Variants in ATF4 observed in about 807,000 individuals in gnomAD.
ATF4 encodes the protein cyclic AMP-dependent transcription factor ATF-4.
A neutral mutation model predicts 21.0 loss-of-function variants in ATF4; 8 were observed. That is an observed-to-expected ratio of 0.38 (90% CI 0.22 to 0.69). The LOEUF is 0.69. Among genes scored for constraint, ATF4 ranks in the 30% least tolerant of loss-of-function variants. ATF4 has a pLI of 0.49. For synonymous variants in ATF4, 241 were observed against 166.4 expected, an observed-to-expected ratio of 1.45 and a Z score of -3.45; for missense variants, 549 against 425.9, an observed-to-expected ratio of 1.29 and a Z score of -2.54.
In ATF4 at chr22:39,521,572, C is replaced by T. The variant is rs1354963846; in HGVS notation, c.127C>T (p.His43Tyr). The change falls in exon 2 of 3, where the codon CAC (histidine) becomes TAC (tyrosine). Residue 43 changes from histidine (H) to tyrosine (Y), a missense_variant. Physicochemically the swap from His to Tyr is moderately conservative, Grantham distance 83 (BLOSUM62 2). Coordinates refer to ENST00000674920, the MANE Select transcript of ATF4 (RefSeq NM_182810.3). ...LLDDYLEVAK[H>Y]FKPHGFSSDK... ...AGATGATTACCTGGAGGTGGCCAAG[C>T]ACTTCAAACCTCATGGGTTCTCCAG... 3 of 1,613,702 alleles carry T rather than the reference C, an allele frequency of 1.9e-6. No homozygotes were observed. In the African/African-American group the frequency reaches 4.0e-5, roughly 22 times the overall value.
At position 39,521,860 on chromosome 22, in the gene ATF4, T is replaced by C; in HGVS notation, c.314T>C (p.Leu105Pro). 1 of 1,614,222 alleles carries C rather than the reference T, an allele frequency of 6.2e-7. No individual in the cohort carries two copies. The highest frequency in any genetic ancestry group is 8.5e-7 in the Non-Finnish European group (1 of 1,180,040). The change falls in exon 3 of 3, where the codon CTG (leucine) becomes CCG (proline). Residue 105 changes from leucine to proline, a missense_variant. Transcript: ENST00000674920. Reference sequence around the variant, plus strand: ...GATGCCCTGTTGGGTATAGATGACCTGGAAACCATGCCAGATGACCTTCTG... The same window carrying C: ...GATGCCCTGTTGGGTATAGATGACCCGGAAACCATGCCAGATGACCTTCTG... Reference protein sequence around the residue: ...DLDALLGIDDLETMPDDLLTT... With the variant: ...DLDALLGIDDPETMPDDLLTT...
chr22:39,521,131 G>A lies in ATF4; in HGVS notation c.-92-223G>A, dbSNP rs80142785. The A allele has an allele frequency of 0.02, 3,919 of 191,396 alleles. 156 individuals are homozygous for A. The highest frequency in any genetic ancestry group is 0.085 in the African/African-American group (3,621 of 42,680). The allele number at this position is 191,396 out of a possible 1,614,324, so 11.9% of individuals were successfully genotyped here. On this transcript the variant is annotated intron_variant, in intron 1 of 2. Coordinates refer to ENST00000674920, the MANE Select transcript of ATF4 (RefSeq NM_182810.3). ...GCCGCCCTGGCCGTATTTGGACGTG[G>A]GGACGGAGCGCTTTCCTCTTGGCGG...
intron 2 of ATF4, 32 bp from the exon 3 acceptor site, chr22:39,521,741 T>G: frequency 6.2e-7 from 1 of 1,610,806 alleles, no homozygotes; most frequent in Non-Finnish European, 8.5e-7. Flanking sequence ...TGTATCTGAC[T>G]CACTTGGCCC....
chr22:39,521,885 G>C lies in ATF4; in HGVS notation c.339G>C (p.Leu113=), dbSNP rs1357238576. The change falls in exon 3 of 3, where the codon CTG becomes CTC. Residue 113 remains leucine, a synonymous_variant. Coordinates refer to ENST00000674920, the MANE Select transcript of ATF4 (RefSeq NM_182810.3). ...DDLETMPDDL[L]TTLDDTCDLF... is the part of the protein sequence containing the mutation. ...TGGAAACCATGCCAGATGACCTTCTGACCACGTTGGATGACACTTGTGATC... is the reference window on the plus strand; with the variant it reads ...TGGAAACCATGCCAGATGACCTTCTCACCACGTTGGATGACACTTGTGATC... 1.2e-6 allele frequency: 2 copies of C among 1,614,030 alleles called. No homozygotes were observed. Among genetic ancestry groups the C allele is most frequent in the Admixed American group, 1.7e-5 (1 of 60,002 alleles).
Position 39,521,686 on chromosome 22 carries a change from A to T in ATF4, c.226+15A>T. 2 of 1,612,266 alleles carry T rather than the reference A, an allele frequency of 1.2e-6. No homozygotes were observed. Among genetic ancestry groups the T allele is most frequent in the Non-Finnish European group, 1.7e-6 (2 of 1,178,726 alleles). Reference sequence around the variant, plus strand: ...CAACAGCAAGGGTGAGTGGGCCACCACCACATCGTCCTGGTGGGATCTAGG... The same window carrying T: ...CAACAGCAAGGGTGAGTGGGCCACCTCCACATCGTCCTGGTGGGATCTAGG... On this transcript the variant is annotated intron_variant, in intron 2 of 2. Transcript: ENST00000674920.
At chr22:39,521,182 G>T (rs193166285) in intron 1 of ATF4, 172 bp from the exon 2 acceptor site, 57 of 269,796 alleles carry the variant, frequency 2.1e-4, no homozygotes, top group African/African-American at 1.1e-3. Context: ...CCTGGTCTCC[G>T]TGAGCGTCCA....
chr22:39,520,561 C>T (rs1490964105), upstream of ATF4: 1 of 152,628 alleles, frequency 6.6e-6, no homozygotes, highest in African/African-American at 2.4e-5. Flanking sequence ...GCCACGGCAG[C>T]CATTTCTACT....
Position 39,521,612 on chromosome 22 carries a change from C to A in ATF4, c.167C>A (p.Ala56Glu). ...PHGFSSDKAK[A>E]GSSEWLAVDG... ...GGGTTCTCCAGCGACAAGGCTAAGG[C>A]GGGCTCCTCCGAATGGCTGGCTGTG... Residue 56 changes from alanine (A) to glutamate (E), a missense_variant, in exon 2 of 3, where the codon GCG becomes GAG. Physicochemically the swap from Ala to Glu is moderately radical, Grantham distance 107 (BLOSUM62 -1). Transcript: ENST00000674920. The A allele has an allele frequency of 6.2e-7, 1 of 1,614,140 alleles. No individual in the cohort carries two copies. The highest frequency in any genetic ancestry group is 8.5e-7 in the Non-Finnish European group (1 of 1,180,018).
intron 1 of ATF4, 62 bp from the exon 2 acceptor site, chr22:39,521,292 G>A (rs1342268568): frequency 1.4e-5 from 9 of 621,604 alleles, no homozygotes; most frequent in Non-Finnish European, 2.5e-5. Context: ...CTCATAAGTG[G>A]AAGGATGAAA....
rs1407582576 is a variant in ATF4 at position 39,521,806 on chromosome 22, A to G, written c.260A>G (p.Glu87Gly). 1.2e-5 allele frequency: 19 copies of G among 1,613,942 alleles called. No homozygotes were observed. The highest frequency in any genetic ancestry group is 1.6e-5 in the Non-Finnish European group (19 of 1,179,932). ...DAFSGTDWML[E>G]KMDLKEFDLD... ...TTCTCCGGGACAGATTGGATGTTGG[A>G]GAAAATGGATTTGAAGGAGTTCGAC... The change falls in exon 3 of 3, where the codon GAG becomes GGG. Residue 87 changes from glutamate to glycine, a missense_variant. By Grantham distance (98) the Glu-to-Gly change is moderately conservative. Coordinates refer to ENST00000674920, the MANE Select transcript of ATF4 (RefSeq NM_182810.3).
In ATF4 at chr22:39,521,384, T is replaced by C; in HGVS notation, c.-62T>C. ...TCACGGCATTCAGCAGCAGCGTTGC[T>C]GTAACCGACAAAGACACCTTCGAAT... is the stretch of plus-strand genomic sequence containing the variant. On this transcript the variant is annotated 5_prime_UTR_variant, in exon 2 of 3. Coordinates refer to ENST00000674920, the MANE Select transcript of ATF4 (RefSeq NM_182810.3). 7.1e-7 allele frequency: 1 copy of C among 1,408,320 alleles called. No homozygotes were observed. The highest frequency in any genetic ancestry group is 9.6e-7 in the Non-Finnish European group (1 of 1,037,292). 87.2% of individuals were successfully genotyped at this position (1,408,320 alleles called of 1,614,324 possible). A position where few individuals can be genotyped will look rare whatever the true frequency, so the allele number is the denominator to read the frequency against.
At position 39,522,036 on chromosome 22, in the gene ATF4, C is replaced by T. The variant is rs757892971; in HGVS notation, c.490C>T (p.Pro164Ser). ...VAPFTFLQPLPLSPGVLSSTP... is the reference protein window; with the variant it reads ...VAPFTFLQPLSLSPGVLSSTP... ...CCCCTTCACCTTCTTACAACCTCTT[C>T]CCCTTTCCCCAGGGGTCCTGTCCTC... The change falls in exon 3 of 3, where the codon CCC becomes TCC. Residue 164 changes from proline (P) to serine (S), a missense_variant. Transcript: ENST00000674920. 1.2e-6 allele frequency: 2 copies of T among 1,613,800 alleles called. No individual in the cohort carries two copies. Among genetic ancestry groups the T allele is most frequent in the East Asian group, 4.5e-5 (2 of 44,882 alleles).
In ATF4 at chr22:39,521,614, G is replaced by A; in HGVS notation, c.169G>A (p.Gly57Ser). ...GTTCTCCAGCGACAAGGCTAAGGCG[G>A]GCTCCTCCGAATGGCTGGCTGTGGA... The part of the protein sequence containing the change: ...HGFSSDKAKA[G>S]SSEWLAVDGL... Residue 57 changes from glycine to serine, a missense_variant, in exon 2 of 3, where the codon GGC becomes AGC. Transcript: ENST00000674920. 1 of 1,614,158 alleles carries A rather than the reference G, an allele frequency of 6.2e-7. No homozygotes were observed. Among genetic ancestry groups the A allele is most frequent in the Non-Finnish European group, 8.5e-7 (1 of 1,180,028 alleles).
rs755663587 is a variant in ATF4, at chr22:39,521,555, A to G, written c.110A>G (p.Tyr37Cys). 2 of 1,613,438 alleles carry G rather than the reference A, an allele frequency of 1.2e-6. No homozygotes were observed. Among genetic ancestry groups the G allele is most frequent in the South Asian group, 2.2e-5 (2 of 91,044 alleles). The change falls in exon 2 of 3, where the codon TAC becomes TGC. Residue 37 changes from tyrosine to cysteine, a missense_variant. By Grantham distance (194) the Tyr-to-Cys change is radical (BLOSUM62 -2). Transcript: ENST00000674920. ...GAAAGCCTAGGTCTCTTAGATGATT[A>G]CCTGGAGGTGGCCAAGCACTTCAAA... ...AEESLGLLDD[Y>C]LEVAKHFKPH...
In ATF4 at chr22:39,522,209, C is replaced by T. The variant is rs1931000141; in HGVS notation, c.663C>T (p.Ile221=). ...CCCCTTCAGATAATGATAGTGGCAT[C>T]TGTATGAGCCCAGAGTCCTATCTGG... ...EDTPSDNDSG[I]CMSPESYLGS... is the part of the protein sequence containing the mutation. The change falls in exon 3 of 3, where the codon ATC becomes ATT. Residue 221 remains isoleucine (I), a synonymous_variant. Coordinates refer to ENST00000674920, the MANE Select transcript of ATF4 (RefSeq NM_182810.3). 2 of 1,610,584 alleles carry T rather than the reference C, an allele frequency of 1.2e-6. No individual in the cohort carries two copies. Among genetic ancestry groups the T allele is most frequent in the Non-Finnish European group, 1.7e-6 (2 of 1,177,796 alleles).
chr22:39,521,957 G>A lies in ATF4; in HGVS notation c.411G>A (p.Thr137=), dbSNP rs1601761815. 6.2e-7 allele frequency: 1 copy of A among 1,612,782 alleles called. No individual in the cohort carries two copies. The highest frequency in any genetic ancestry group is 8.5e-7 in the Non-Finnish European group (1 of 1,179,686). Residue 137 remains threonine, a synonymous_variant, in exon 3 of 3, where the codon ACG becomes ACA. Coordinates refer to ENST00000674920, the MANE Select transcript of ATF4 (RefSeq NM_182810.3). ...AGACTAATAAGCAGCCCCCCCAGAC[G>A]GTGAACCCAATTGGCCATCTCCCAG... ...VQETNKQPPQ[T]VNPIGHLPES...
Position 39,522,670 on chromosome 22 carries a change from A to G in ATF4, c.*68A>G, listed in dbSNP as rs568102933. 2.2e-6 allele frequency: 3 copies of G among 1,360,522 alleles called. No homozygotes were observed. The highest frequency in any genetic ancestry group is 3.0e-5 in the African/African-American group (2 of 67,446). The allele number at this position is 1,360,522 out of a possible 1,614,324, so 84.3% of individuals were successfully genotyped here. On this transcript the variant is annotated 3_prime_UTR_variant, in exon 3 of 3. Coordinates refer to ENST00000674920, the MANE Select transcript of ATF4 (RefSeq NM_182810.3). ...CTGTAGCTGTGTGTTCCAATAAATT[A>G]TTTTGTAGGGAAAGTACTTGTGCGT...
Position 39,520,582 on chromosome 22 carries a change from A to AC in ATF4, c.-261dup, listed in dbSNP as rs1930871998. On this transcript the variant is annotated 5_prime_UTR_variant, in exon 1 of 3. Transcript: ENST00000674920. ...GCAGCCATTTCTACTTTGCCCGCCC[A>AC]CAGATGTAGTTTTCTCTGCGCGTGT... is the stretch of plus-strand genomic sequence containing the variant. The AC allele has an allele frequency of 6.5e-6, 1 of 152,736 alleles. No homozygotes were observed. Among genetic ancestry groups the AC allele is most frequent in the Non-Finnish European group, 1.5e-5 (1 of 68,134 alleles). The allele number at this position is 152,736 out of a possible 1,614,324, so 9.5% of individuals were successfully genotyped here.
Position 39,522,280 on chromosome 22 carries a change from G to A in ATF4, c.734G>A (p.Ser245Asn), listed in dbSNP as rs552036293. 1.1e-5 allele frequency: 17 copies of A among 1,607,718 alleles called. No individual in the cohort carries two copies. The highest frequency in any genetic ancestry group is 3.3e-5 in the South Asian group (3 of 90,472). Residue 245 changes from serine to asparagine, a missense_variant, in exon 3 of 3, where the codon AGC becomes AAC. Transcript: ENST00000674920. ...TCTACCAGGGGCTCTCCAAATAGGAGCCTCCCATCTCCAGGTGTTCTCTGT... is the reference window on the plus strand; with the variant it reads ...TCTACCAGGGGCTCTCCAAATAGGAACCTCCCATCTCCAGGTGTTCTCTGT... ...SPSTRGSPNR[S>N]LPSPGVLCGS...
Sources: gnomAD v4.1 joint callset for allele counts on GRCh38, gnomAD v4.1.1 for gene constraint, MANE v1.5 for transcripts, NCBI Gene and HGNC (gene_info 2026-07-23, HGNC 2026-07-21) for gene names.